Variants in GSDMC observed in about 807,000 individuals in gnomAD.
GSDMC encodes the protein gasdermin-C.
Under a neutral mutation model 58.0 loss-of-function variants are expected in GSDMC, and 59 were observed. The observed-to-expected ratio is 1.02, with a 90% CI of 0.82 to 1.26. GSDMC has a LOEUF of 1.26. Ranked by LOEUF, GSDMC falls within the 50% of genes most tolerant of loss-of-function variation. The pLI is 0.00. For missense variants in GSDMC, 659 were observed against 598.5 expected, an observed-to-expected ratio of 1.10 and a Z score of -1.06; for synonymous variants, 241 against 220.2, an observed-to-expected ratio of 1.09 and a Z score of -0.83.
At chr8:129,736,112 A>G in the GSDMC span, among the ~76,000 whole-genome samples, 1 of 152,306 alleles carries the variant, frequency 6.6e-6, no homozygotes, top group Non-Finnish European at 1.5e-5. Flanking sequence ...GAATTTTTGA[A>G]TAGATCAATA....
chr8:129,776,699 A>G (rs761867622), intron 2 of GSDMC, among the ~76,000 whole-genome samples: 4 of 152,190 alleles, frequency 2.6e-5, no homozygotes, highest in East Asian at 1.9e-4. Context: ...CAGTTCTACT[A>G]GTTCCCAGGG....
At chr8:129,741,598 C>T in the GSDMC span, among the ~76,000 whole-genome samples, 3 of 151,980 alleles carry the variant, frequency 2.0e-5, no homozygotes, top group Admixed American at 6.6e-5. Flanking sequence ...CCCCTCACAC[C>T]TGTTAGAATG....
At chr8:129,777,811 CTT>C (rs1284018995) in intron 1 of GSDMC, among the ~76,000 whole-genome samples, 5 of 152,130 alleles carry the variant, frequency 3.3e-5, no homozygotes, top group African/African-American at 1.2e-4. Flanking sequence ...GTCTTGAACT[CTT>C]GGGCTCAAGT....
chr8:129,731,075 C>T, the GSDMC span, among the ~76,000 whole-genome samples: 1 of 151,908 alleles, frequency 6.6e-6, no homozygotes, highest in Non-Finnish European at 1.5e-5. Context: ...ATCCTAATAC[C>T]CAGCCAGGAG....
chr8:129,748,770 C>A (rs776364654), intron 13 of GSDMC, 30 bp from the exon 14 acceptor site: 12 of 1,479,746 alleles, frequency 8.1e-6, no homozygotes, highest in African/African-American at 7.2e-5. Context: ...GTTCTACAGA[C>A]CAGCCTTTAA....
At chr8:129,783,198 G>C (rs2034465675) in intron 1 of GSDMC, among the ~76,000 whole-genome samples, 1 of 152,000 alleles carries the variant, frequency 6.6e-6, no homozygotes, top group Non-Finnish European at 1.5e-5. Context: ...GGTATAGAAG[G>C]AAGATAACTC....
At chr8:129,727,298 T>C in the GSDMC span, among the ~76,000 whole-genome samples, 1 of 152,104 alleles carries the variant, frequency 6.6e-6, no homozygotes, top group East Asian at 1.9e-4. Flanking sequence ...GCTCAGCCAC[T>C]TGGAAATAGC....
chr8:129,751,537 C>T lies in GSDMC; in HGVS notation c.943+5G>A, dbSNP rs142118174. ...GCCCCAGGTTCCCCCTTAATAAATACTTACTTTGCCAGAAGGGTTCCTCTA... is the reference window on the plus strand; with the variant it reads ...GCCCCAGGTTCCCCCTTAATAAATATTTACTTTGCCAGAAGGGTTCCTCTA... On this transcript the variant is annotated splice_donor_5th_base_variant and intron_variant, in intron 10 of 13. Coordinates refer to ENST00000276708, the MANE Select transcript of GSDMC (RefSeq NM_031415.3). The T allele has an allele frequency of 0.029, 46,977 of 1,610,078 alleles. 960 individuals are homozygous for T. The highest frequency in any genetic ancestry group is 0.11 in the Middle Eastern group (649 of 6,054).
At chr8:129,732,860 G>A in the GSDMC span, among the ~76,000 whole-genome samples, 1 of 152,202 alleles carries the variant, frequency 6.6e-6, no homozygotes, top group Admixed American at 6.5e-5. Context: ...GTGGGTCATT[G>A]CCTCATCCAG....
At chr8:129,767,724 A>G (rs1033102152) in intron 3 of GSDMC, among the ~76,000 whole-genome samples, 1 of 151,934 alleles carries the variant, frequency 6.6e-6, no homozygotes, top group African/African-American at 2.4e-5. Context: ...GGCCTGCCCA[A>G]CTACAAAGCA....
At chr8:129,732,732 C>T in the GSDMC span, among the ~76,000 whole-genome samples, 1 of 152,198 alleles carries the variant, frequency 6.6e-6, no homozygotes, top group Admixed American at 6.5e-5. Flanking sequence ...TCTGCAGTTC[C>T]CAGTGTGATT....
At chr8:129,766,805 G>A (rs559382774) in intron 3 of GSDMC, among the ~76,000 whole-genome samples, 3 of 152,284 alleles carry the variant, frequency 2.0e-5, no homozygotes, top group East Asian at 3.9e-4. Context: ...GAAAAAGAGA[G>A]CCAAAGTAGA....
intron 6 of GSDMC, among the ~76,000 whole-genome samples, chr8:129,754,988 A>T (rs2033370169): frequency 6.6e-6 from 1 of 152,198 alleles, no homozygotes; most frequent in South Asian, 2.1e-4. Context: ...CCTCAGAAAG[A>T]CAAATCTAAA....
chr8:129,747,272 T>C (rs948706369), downstream of GSDMC, among the ~76,000 whole-genome samples: 1 of 150,502 alleles, frequency 6.6e-6, no homozygotes, highest in African/African-American at 2.4e-5. Flanking sequence ...AAAAAAAAAA[T>C]TTGATAAAGA....
chr8:129,729,415 C>T, the GSDMC span: 2 of 359,090 alleles, frequency 5.6e-6, 1 homozygote, highest in South Asian at 4.9e-5. Context: ...CACCCATTAA[C>T]TCATCATTTA....
downstream of GSDMC, among the ~76,000 whole-genome samples, chr8:129,746,861 TATGAAGGGACTTG>T (rs1248832058): frequency 1.6e-4 from 24 of 152,230 alleles, no homozygotes; most frequent in African/African-American, 5.8e-4. Context: ...GTTTCTCAAA[TATGAAGGGACTTG>T]GGGAGTGAAG....
At chr8:129,718,179 C>A in the GSDMC span, among the ~76,000 whole-genome samples, 1 of 152,078 alleles carries the variant, frequency 6.6e-6, no homozygotes, top group Middle Eastern at 3.2e-3. Flanking sequence ...CAAATAGGAT[C>A]TAATTAAACT....
chr8:129,736,994 T>C, the GSDMC span, among the ~76,000 whole-genome samples: 1 of 151,960 alleles, frequency 6.6e-6, no homozygotes. Flanking sequence ...TATACACCAA[T>C]AACAGACAAA....
chr8:129,752,712 A>T lies in GSDMC; in HGVS notation c.830T>A (p.Met277Lys). Reference sequence around the variant, plus strand: ...AATCACAGTACCTGGTTTTAACTTCATATCATTGGATGAGGCATTGAAGAG... The same window carrying T: ...AATCACAGTACCTGGTTTTAACTTCTTATCATTGGATGAGGCATTGAAGAG... ...PTLFNASSND[M>K]KLKPELFLTQ... The change falls in exon 7 of 14, where the codon ATG (methionine) becomes AAG (lysine). Residue 277 changes from methionine (M) to lysine (K), a missense_variant. By Grantham distance (95) the Met-to-Lys change is moderately conservative. Transcript: ENST00000276708. 1 of 1,614,238 alleles carries T rather than the reference A, an allele frequency of 6.2e-7. No individual in the cohort carries two copies. The highest frequency in any genetic ancestry group is 8.5e-7 in the Non-Finnish European group (1 of 1,180,030).
Sources: allele counts gnomAD v4.1 joint callset (sites outside exome capture counted in the v4.1 genomes callset), GRCh38; gene constraint gnomAD v4.1.1; transcripts MANE v1.5; gene names NCBI Gene and HGNC (gene_info 2026-07-23, HGNC 2026-07-21).